SGCZ: variants seen among roughly 807,000 people sequenced by gnomAD.
SGCZ encodes zeta-sarcoglycan.
In SGCZ, 40 loss-of-function variants were observed where a neutral mutation model predicts 41.3. The observed-to-expected ratio is 0.97, with a 90% confidence interval of 0.75 to 1.26. SGCZ has a LOEUF of 1.26. Among genes scored for constraint, SGCZ ranks in the 50% most tolerant of loss-of-function variants. SGCZ has a pLI of 0.00. For missense variants in SGCZ, 552 were observed against 369.8 expected, an observed-to-expected ratio of 1.49 and a Z score of -4.04; for synonymous variants, 206 against 137.5, an observed-to-expected ratio of 1.50 and a Z score of -3.49.
chr8:14,340,245 C>T (rs979403975), intron 2 of SGCZ, among the ~76,000 whole-genome samples: 1 of 152,068 alleles, frequency 6.6e-6, no homozygotes, highest in Non-Finnish European at 1.5e-5. Context: ...TGCTAACACT[C>T]TTATACTTTC....
At chr8:14,177,869 A>G (rs542465661) in intron 4 of SGCZ, among the ~76,000 whole-genome samples, 1 of 150,738 alleles carries the variant, frequency 6.6e-6, no homozygotes, top group Non-Finnish European at 1.5e-5. Context: ...TTTTTAAACT[A>G]CTGGTCTTGA....
chr8:14,685,856 C>A (rs1339155218), intron 1 of SGCZ, among the ~76,000 whole-genome samples: 1 of 152,024 alleles, frequency 6.6e-6, no homozygotes, highest in Non-Finnish European at 1.5e-5. Flanking sequence ...AATGAATAAA[C>A]CTTTCACTGA....
In SGCZ at chr8:14,229,909, C is replaced by T. The variant is rs530372391; in HGVS notation, c.424+7683G>A. Among the ~76,000 whole-genome samples, 11 of 152,028 alleles carry T rather than the reference C, an allele frequency of 7.2e-5. No individual in the cohort carries two copies. In the South Asian group the frequency reaches 1.2e-3, roughly 17 times the overall value. On this transcript the variant is annotated intron_variant, in intron 4 of 7. Transcript: ENST00000382080. The stretch of plus-strand genomic sequence containing the variant: ...ATGCTTAGCACTAACAAAAATAAGC[C>T]GATTGGACTTAAACTGTTTTGTGGA...
At chr8:15,200,733 G>A (rs1484718498) in intron 1 of SGCZ, among the ~76,000 whole-genome samples, 2 of 152,054 alleles carry the variant, frequency 1.3e-5, no homozygotes, top group Non-Finnish European at 2.9e-5. Flanking sequence ...TTCCTGAATT[G>A]TAGGAACTAT....
chr8:14,520,359 T>C (rs1259214147), intron 2 of SGCZ, among the ~76,000 whole-genome samples: 4 of 152,134 alleles, frequency 2.6e-5, no homozygotes, highest in Non-Finnish European at 5.9e-5. Context: ...TTGTAGCTCA[T>C]ACCAGCCCAG....
At chr8:15,101,830 CAGG>C (rs959611197) in intron 1 of SGCZ, among the ~76,000 whole-genome samples, 1 of 152,144 alleles carries the variant, frequency 6.6e-6, no homozygotes, top group African/African-American at 2.4e-5. Context: ...CTCGCTGAAG[CAGG>C]AGAATTGCTT....
intron 1 of SGCZ, among the ~76,000 whole-genome samples, chr8:15,071,134 T>C (rs1180461322): frequency 1.3e-5 from 2 of 152,176 alleles, no homozygotes; most frequent in Non-Finnish European, 2.9e-5. Flanking sequence ...TAACTTAAAG[T>C]TCCCTATTTA....
chr8:14,435,439 T>C (rs1450781833), intron 2 of SGCZ, among the ~76,000 whole-genome samples: 1 of 152,166 alleles, frequency 6.6e-6, no homozygotes, highest in Admixed American at 6.5e-5. Context: ...TTTACACACA[T>C]GGCTCCCTTC....
intron 1 of SGCZ, among the ~76,000 whole-genome samples, chr8:14,683,632 T>A (rs1808515790): frequency 6.6e-6 from 1 of 152,130 alleles, no homozygotes; most frequent in South Asian, 2.1e-4. Context: ...GAACTTTGAT[T>A]TCTTCAACTT....
At chr8:15,213,822 T>A (rs901840815) in intron 1 of SGCZ, among the ~76,000 whole-genome samples, 2 of 151,932 alleles carry the variant, frequency 1.3e-5, no homozygotes, top group African/African-American at 4.8e-5. Flanking sequence ...TACTCCTTAA[T>A]AAAAGGAGGA....
At chr8:14,356,290 G>A (rs150846139) in intron 2 of SGCZ, among the ~76,000 whole-genome samples, 336 of 152,268 alleles carry the variant, frequency 2.2e-3, no homozygotes, top group African/African-American at 7.2e-3. Flanking sequence ...AAACCCCGTC[G>A]TAAGTTAAGA....
intron 1 of SGCZ, among the ~76,000 whole-genome samples, chr8:14,722,536 AT>A (rs1809920607): frequency 6.6e-6 from 1 of 152,070 alleles, no homozygotes; most frequent in African/African-American, 2.4e-5. Context: ...CAATATATGT[AT>A]TTATATACAT....
At chr8:14,264,408 T>A (rs1218819401) in intron 3 of SGCZ, among the ~76,000 whole-genome samples, 2 of 152,142 alleles carry the variant, frequency 1.3e-5, no homozygotes, top group African/African-American at 2.4e-5. Flanking sequence ...AGCATCTGGA[T>A]CTTCCTCAGC....
intron 1 of SGCZ, among the ~76,000 whole-genome samples, chr8:15,203,607 G>T (rs990132507): frequency 1.3e-5 from 2 of 152,178 alleles, no homozygotes; most frequent in African/African-American, 4.8e-5. Context: ...ACAGACAAAT[G>T]TGGCATTCAT....
chr8:14,372,130 A>G (rs1345260118), intron 2 of SGCZ, among the ~76,000 whole-genome samples: 3 of 152,162 alleles, frequency 2.0e-5, no homozygotes, highest in African/African-American at 7.2e-5. Flanking sequence ...AAGAAAGGAA[A>G]TAAGATTACA....
chr8:14,917,191 G>A (rs1209791204), intron 1 of SGCZ, among the ~76,000 whole-genome samples: 1 of 152,054 alleles, frequency 6.6e-6, no homozygotes, highest in Non-Finnish European at 1.5e-5. Context: ...GCTTTATAGG[G>A]AAAAGGAGGC....
chr8:14,877,953 G>A (rs1804426499), intron 1 of SGCZ, among the ~76,000 whole-genome samples: 1 of 151,766 alleles, frequency 6.6e-6, no homozygotes, highest in Admixed American at 6.6e-5. Flanking sequence ...CAGTACTGTT[G>A]AGAAGTGGGC....
intron 1 of SGCZ, among the ~76,000 whole-genome samples, chr8:14,564,844 TACC>T (rs1356591544): frequency 6.6e-6 from 1 of 152,158 alleles, no homozygotes; most frequent in Non-Finnish European, 1.5e-5. Context: ...AAAGCCTACT[TACC>T]ACGGCAATTT....
chr8:15,169,438 G>T (rs1226469362), intron 1 of SGCZ, among the ~76,000 whole-genome samples: 2 of 152,136 alleles, frequency 1.3e-5, no homozygotes, highest in Admixed American at 1.3e-4. Flanking sequence ...AGTCAAACGA[G>T]AGTCACTGTT....
Sources: gnomAD v4.1 joint callset for allele counts (sites outside exome capture counted in the v4.1 genomes callset) on GRCh38, gnomAD v4.1.1 for gene constraint, MANE v1.5 for transcripts, NCBI Gene and HGNC (gene_info 2026-07-23, HGNC 2026-07-21) for gene names.